Variants in COL5A2 observed in about 807,000 individuals in gnomAD.
COL5A2 encodes collagen alpha-2(V) chain.
Under a neutral mutation model 208.2 loss-of-function variants are expected in COL5A2, and 23 were observed. That is an observed-to-expected ratio of 0.11 (90% CI 0.08 to 0.16). COL5A2 has a LOEUF of 0.16. Ranked by LOEUF, COL5A2 falls within the 10% of genes least tolerant of loss-of-function variation. The probability of loss-of-function intolerance (pLI) is 1.00; values close to 1 mark genes in which losing one functional copy is unlikely to be tolerated. For missense variants in COL5A2, 1,590 were observed against 1,956.4 expected (o/e 0.81, Z 3.53); for synonymous variants, 625 against 628.5 (o/e 0.99, Z 0.08).
the COL5A2 span, among the ~76,000 whole-genome samples, chr2:189,296,398 C>T: frequency 3.9e-5 from 6 of 152,088 alleles, no homozygotes; most frequent in African/African-American, 9.7e-5. Flanking sequence ...TTTAAAGTCA[C>T]TCTGCTTATT....
the COL5A2 span, among the ~76,000 whole-genome samples, chr2:189,243,970 T>G: frequency 6.6e-6 from 1 of 152,146 alleles, no homozygotes; most frequent in East Asian, 1.9e-4. Flanking sequence ...AGCTCTACAT[T>G]GGCCCCTTTC....
the COL5A2 span, among the ~76,000 whole-genome samples, chr2:189,426,314 CAA>C: frequency 5.3e-5 from 8 of 152,166 alleles, no homozygotes; most frequent in African/African-American, 1.9e-4. Context: ...CCATTCTATT[CAA>C]AGTCACCCCT....
chr2:189,405,651 C>G, the COL5A2 span, among the ~76,000 whole-genome samples: 1 of 152,122 alleles, frequency 6.6e-6, no homozygotes, highest in Non-Finnish European at 1.5e-5. Flanking sequence ...CCAAACAGAA[C>G]TAGGTTAAAA....
At chr2:189,282,094 C>T in the COL5A2 span, among the ~76,000 whole-genome samples, 11 of 151,926 alleles carry the variant, frequency 7.2e-5, no homozygotes, top group African/African-American at 2.7e-4. Context: ...CTGAGGCAGG[C>T]AGAATTGTTA....
the COL5A2 span, among the ~76,000 whole-genome samples, chr2:189,301,029 A>T: frequency 6.6e-6 from 1 of 152,136 alleles, no homozygotes; most frequent in Non-Finnish European, 1.5e-5. Context: ...TCTACAAAAA[A>T]TACAAAAATT....
intron 45 of COL5A2, among the ~76,000 whole-genome samples, chr2:189,046,839 C>T (rs1412460133): frequency 1.3e-5 from 2 of 151,858 alleles, no homozygotes. Flanking sequence ...AATACTTGCC[C>T]GGGCACAGTG....
intron 31 of COL5A2, 98 bp downstream of exon 31, chr2:189,060,632 A>T: frequency 1.0e-6 from 1 of 995,660 alleles, no homozygotes; most frequent in Admixed American, 1.8e-5. Context: ...CAAAGAGATA[A>T]TGTATGTAAA....
chr2:189,226,846 T>C (rs1313686401), upstream of COL5A2, among the ~76,000 whole-genome samples: 1 of 152,078 alleles, frequency 6.6e-6, no homozygotes, highest in Non-Finnish European at 1.5e-5. Flanking sequence ...AGATGGGACC[T>C]AGCATACTCT....
chr2:189,142,918 C>A (rs1687961545), intron 1 of COL5A2, among the ~76,000 whole-genome samples: 1 of 152,084 alleles, frequency 6.6e-6, no homozygotes, highest in South Asian at 2.1e-4. Context: ...ATTCTCTGGG[C>A]TATTCATTCT....
At chr2:189,282,760 G>A in the COL5A2 span, among the ~76,000 whole-genome samples, 1 of 152,062 alleles carries the variant, frequency 6.6e-6, no homozygotes, top group Non-Finnish European at 1.5e-5. Context: ...CTAGGTCATT[G>A]ATTTTGATCT....
intron 18 of COL5A2, 23 bp downstream of exon 18, chr2:189,072,017 G>A: frequency 6.7e-7 from 1 of 1,493,266 alleles, no homozygotes; most frequent in Non-Finnish European, 9.3e-7. Context: ...GTTAAATACT[G>A]TATATTAACA....
At chr2:189,045,595 A>T (rs541359038) in intron 46 of COL5A2, among the ~76,000 whole-genome samples, 1 of 152,370 alleles carries the variant, frequency 6.6e-6, no homozygotes, top group East Asian at 1.9e-4. Flanking sequence ...TCAAAGCATC[A>T]GTATCTTCTA....
At chr2:189,434,899 G>C in the COL5A2 span, among the ~76,000 whole-genome samples, 1 of 151,900 alleles carries the variant, frequency 6.6e-6, no homozygotes, top group Non-Finnish European at 1.5e-5. Flanking sequence ...ACAAAGCTGG[G>C]GGCATCACGC....
At chr2:189,243,279 G>GA in the COL5A2 span, among the ~76,000 whole-genome samples, 3 of 152,070 alleles carry the variant, frequency 2.0e-5, no homozygotes, top group Admixed American at 6.6e-5. Flanking sequence ...GTTCAATCTA[G>GA]AAAAAATCTA....
At chr2:189,103,268 T>G (rs1032209752) in intron 3 of COL5A2, among the ~76,000 whole-genome samples, 2 of 152,100 alleles carry the variant, frequency 1.3e-5, no homozygotes, top group Non-Finnish European at 2.9e-5. Context: ...TCCTTTGACA[T>G]ATATTCATAT....
chr2:189,227,031 C>T (rs149859612), upstream of COL5A2, among the ~76,000 whole-genome samples: 778 of 152,242 alleles, frequency 5.1e-3, 7 homozygotes, highest in South Asian at 8.7e-3. Context: ...CAGAAATCTA[C>T]ACATGCAAAG....
At chr2:189,380,718 G>A in the COL5A2 span, among the ~76,000 whole-genome samples, 2 of 151,700 alleles carry the variant, frequency 1.3e-5, no homozygotes, top group Non-Finnish European at 3.0e-5. Context: ...ATATACAGGG[G>A]CAAAAAAATT....
the COL5A2 span, among the ~76,000 whole-genome samples, chr2:189,277,292 T>A: frequency 6.6e-6 from 1 of 152,268 alleles, no homozygotes; most frequent in Non-Finnish European, 1.5e-5. Context: ...TATACAAATG[T>A]AAGCCAATCA....
intron 1 of COL5A2, among the ~76,000 whole-genome samples, chr2:189,123,651 T>G (rs1249720363): frequency 1.3e-5 from 2 of 152,198 alleles, no homozygotes; most frequent in South Asian, 2.1e-4. Flanking sequence ...TTTGGAGAGA[T>G]AAACAAATTT....
Sources: gnomAD v4.1 joint callset for allele counts (sites outside exome capture counted in the v4.1 genomes callset) on GRCh38, gnomAD v4.1.1 for gene constraint, MANE v1.5 for transcripts, NCBI Gene and HGNC (gene_info 2026-07-23, HGNC 2026-07-21) for gene names.